ITGB4: variants seen among roughly 807,000 people sequenced by gnomAD.
The protein encoded by ITGB4 is integrin subunit beta 4.
ITGB4 carries 159 observed loss-of-function variants against 207.6 expected under a neutral mutation model. The observed-to-expected ratio is 0.77, with a 90% CI of 0.67 to 0.87. The LOEUF is 0.87. ITGB4 is among the 40% of genes least tolerant of loss of function. The pLI, the probability that ITGB4 is intolerant of heterozygous loss-of-function variation, is 0.00. For synonymous variants in ITGB4, 1,020 were observed against 1,062.7 expected, an observed-to-expected ratio of 0.96 and a Z score of 0.78; for missense variants, 2,278 against 2,546.8, an observed-to-expected ratio of 0.89 and a Z score of 2.27.
chr17:75,752,257 C>A lies in ITGB4; in HGVS notation c.3877C>A (p.Pro1293Thr). The A allele has an allele frequency of 3.1e-6, 5 of 1,613,586 alleles. No homozygotes were observed. Among genetic ancestry groups the A allele is most frequent in the Non-Finnish European group, 3.4e-6 (4 of 1,180,030 alleles). ...TATTGAGAACCTTCGGGAGTCCCAG[C>A]CCTACCGCTACACGGTGAAGGCGCG... is the stretch of plus-strand genomic sequence containing the variant. ...LLIENLRESQ[P>T]YRYTVKARNG... is the part of the protein sequence containing the mutation. The change falls in exon 31 of 40, where the codon CCC (proline) becomes ACC (threonine). Residue 1293 changes from proline (P) to threonine (T), a missense_variant. By Grantham distance (38) the Pro-to-Thr change is conservative. Transcript: ENST00000200181.
Position 75,750,598 on chromosome 17 carries a change from T to G in ITGB4, c.3475-82T>G, listed in dbSNP as rs2061345311. On this transcript the variant is annotated intron_variant, in intron 28 of 39. Transcript: ENST00000200181. This position sits in a 1 kb window ranked among gnomAD's most constrained non-coding sequence, Gnocchi z 5.5. ...GGCCTCATCTGTGCAAAGAGGACAG[T>G]AAGGGCAGAGGTCAGAGGAGGGACA... 7.9e-7 allele frequency: 1 copy of G among 1,271,172 alleles called. No individual in the cohort carries two copies. The highest frequency in any genetic ancestry group is 1.1e-6 in the Non-Finnish European group (1 of 886,840). 78.7% of individuals were successfully genotyped at this position (1,271,172 alleles called of 1,614,324 possible). A position where few individuals can be genotyped will look rare whatever the true frequency, so the allele number is the denominator to read the frequency against.
At chr17:75,752,036 A>T in intron 30 of ITGB4, 138 bp from the exon 31 acceptor site, 2 of 921,178 alleles carry the variant, frequency 2.2e-6, no homozygotes, top group Non-Finnish European at 3.6e-6. Context: ...GCGGCAATTC[A>T]GCAGTGGCTG....
rs1314431524 is a variant in ITGB4, at chr17:75,757,189, G to A, written c.5219-11G>A. 2.5e-6 allele frequency: 4 copies of A among 1,612,448 alleles called. No homozygotes were observed. In the South Asian group the frequency reaches 3.3e-5, roughly 13 times the overall value. Reference sequence around the variant, plus strand: ...GCACCACCCTCTGACTGGCCTATCTGCCCACCCCAGGACCCTTCCCGCAGC... The same window carrying A: ...GCACCACCCTCTGACTGGCCTATCTACCCACCCCAGGACCCTTCCCGCAGC... On this transcript the variant is annotated splice_polypyrimidine_tract_variant and intron_variant, in intron 38 of 39. Transcript: ENST00000200181.
chr17:75,730,879 T>C lies in ITGB4; in HGVS notation c.1007T>C (p.Leu336Pro). 2.5e-6 allele frequency: 4 copies of C among 1,612,840 alleles called. No individual in the cohort carries two copies. Among genetic ancestry groups the C allele is most frequent in the Non-Finnish European group, 3.4e-6 (4 of 1,179,474 alleles). The part of the protein sequence containing the change: ...TNYSYSYYEK[L>P]HTYFPVSSLG... Reference sequence around the variant, plus strand: ...ACCTGGCCTTCTCTCCCGCAGAAGCTTCACACCTATTTCCCTGTCTCCTCA... The same window carrying C: ...ACCTGGCCTTCTCTCCCGCAGAAGCCTCACACCTATTTCCCTGTCTCCTCA... The change falls in exon 9 of 40, where the codon CTT (leucine) becomes CCT (proline). Residue 336 changes from leucine (L) to proline (P), a missense_variant. Transcript: ENST00000200181.
In ITGB4 at chr17:75,750,608, G is replaced by A. The variant is rs950699179; in HGVS notation, c.3475-72G>A. On this transcript the variant is annotated intron_variant, in intron 28 of 39. Coordinates refer to ENST00000200181, the MANE Select transcript of ITGB4 (RefSeq NM_000213.5). This position sits in a 1 kb window ranked among gnomAD's most constrained non-coding sequence, Gnocchi z 5.5. ...GTGCAAAGAGGACAGTAAGGGCAGA[G>A]GTCAGAGGAGGGACAGGCAGCTTGG... 2.2e-6 allele frequency: 3 copies of A among 1,363,308 alleles called. No individual in the cohort carries two copies. Among genetic ancestry groups the A allele is most frequent in the Non-Finnish European group, 3.1e-6 (3 of 965,776 alleles). The allele number at this position is 1,363,308 out of a possible 1,614,324, so 84.5% of individuals were successfully genotyped here.
rs778864764 is a variant in ITGB4 at position 75,739,721 on chromosome 17, C to CGCAGGGGGA, written c.2254+23_2254+24insGAGCAGGGG. 1 of 1,614,060 alleles carries CGCAGGGGGA rather than the reference C, an allele frequency of 6.2e-7. No homozygotes were observed. Among genetic ancestry groups the CGCAGGGGGA allele is most frequent in the Non-Finnish European group, 8.5e-7 (1 of 1,179,994 alleles). The stretch of plus-strand genomic sequence containing the variant: ...TGCAACCGAGGTATGGGCCTGGCAT[C>CGCAGGGGGA]GCAGGGGCAGCAGGGGCTCTGACTG... On this transcript the variant is annotated intron_variant, in intron 19 of 39. Coordinates refer to ENST00000200181, the MANE Select transcript of ITGB4 (RefSeq NM_000213.5). The surrounding 1 kb of genome is among the most constrained non-coding windows in gnomAD (Gnocchi z 5.4).
At position 75,729,190 on chromosome 17, in the gene ITGB4, GA is replaced by G; in HGVS notation, c.567-72del. The G allele has an allele frequency of 3.0e-6, 4 of 1,313,212 alleles. No homozygotes were observed. Among genetic ancestry groups the G allele is most frequent in the Non-Finnish European group, 4.3e-6 (4 of 936,244 alleles). The allele number at this position is 1,313,212 out of a possible 1,614,324, so 81.3% of individuals were successfully genotyped here. A position where few individuals can be genotyped will look rare whatever the true frequency, so the allele number is the denominator to read the frequency against. On this transcript the variant is annotated intron_variant, in intron 6 of 39. Transcript: ENST00000200181. The surrounding 1 kb of genome is among the most constrained non-coding windows in gnomAD (Gnocchi z 4.4). Reference sequence around the variant, plus strand: ...AAAAAAAAAAATTCTCCTTCTAGTTGAAACGAGCCAGGGGCACTGGGGTCTG... The same window carrying G: ...AAAAAAAAAAATTCTCCTTCTAGTTGAACGAGCCAGGGGCACTGGGGTCTG...
intron 26 of ITGB4, among the ~76,000 whole-genome samples, chr17:75,746,546 T>G (rs2061237109): frequency 6.6e-6 from 1 of 151,846 alleles, no homozygotes. Flanking sequence ...ATATTTTTAG[T>G]AGAGATAGGG....
At position 75,736,521 on chromosome 17, in the gene ITGB4, C is replaced by T. The variant is rs572332869; in HGVS notation, c.1861-44C>T. The T allele has an allele frequency of 3.8e-6, 6 of 1,591,234 alleles. No homozygotes were observed. The African/African-American group carries it at 5.4e-5, about 14-fold the overall frequency. On this transcript the variant is annotated intron_variant, in intron 15 of 39. Coordinates refer to ENST00000200181, the MANE Select transcript of ITGB4 (RefSeq NM_000213.5). Reference sequence around the variant, plus strand: ...TTGGGGAGCGGGGGTCTGGCAGAGGCCCACCCAACACAGTGCCTGTCTGCC... The same window carrying T: ...TTGGGGAGCGGGGGTCTGGCAGAGGTCCACCCAACACAGTGCCTGTCTGCC...
At chr17:75,724,872 C>T in intron 2 of ITGB4, 90 bp downstream of exon 2, 2 of 1,101,984 alleles carry the variant, frequency 1.8e-6, no homozygotes, top group South Asian at 1.3e-5. Flanking sequence ...GGTGTCTCAC[C>T]TAAACACGCT....
Position 75,729,124 on chromosome 17 carries a change from A to G in ITGB4, c.567-141A>G. ...AGTGAGCCAAGATCGTGCATACCGC[A>G]CACCAGCCTGGGTGATAAAGCGAGA... On this transcript the variant is annotated intron_variant, in intron 6 of 39. Coordinates refer to ENST00000200181, the MANE Select transcript of ITGB4 (RefSeq NM_000213.5). The surrounding 1 kb of genome is among the most constrained non-coding windows in gnomAD (Gnocchi z 4.4). 1.3e-6 allele frequency: 1 copy of G among 742,490 alleles called. No homozygotes were observed. The highest frequency in any genetic ancestry group is 2.1e-6 in the Non-Finnish European group (1 of 468,894). 46.0% of individuals were successfully genotyped at this position (742,490 alleles called of 1,614,324 possible).
intron 27 of ITGB4, 104 bp downstream of exon 27, chr17:75,749,149 G>C (rs1349542400): frequency 1.1e-6 from 1 of 903,866 alleles, no homozygotes; most frequent in Non-Finnish European, 1.7e-6. Flanking sequence ...AGGACGCCCA[G>C]GTAAATCTGA....
Position 75,742,654 on chromosome 17 carries a change from C to T in ITGB4, c.2855C>T (p.Pro952Leu), listed in dbSNP as rs1240786352. 4.3e-6 allele frequency: 7 copies of T among 1,613,922 alleles called. No homozygotes were observed. Among genetic ancestry groups the T allele is most frequent in the African/African-American group, 2.7e-5 (2 of 74,926 alleles). ...VDVRVPLFIR[P>L]EDDDEKQLLV... ...GTACGGGTGCCCCTCTTTATCCGGC[C>T]TGAGGATGACGACGAGAAGCAGCTG... The change falls in exon 25 of 40, where the codon CCT becomes CTT. Residue 952 changes from proline to leucine, a missense_variant. Pro to Leu is a moderately conservative substitution (Grantham distance 98, BLOSUM62 -3). Transcript: ENST00000200181. The surrounding 1 kb of genome is among the most constrained non-coding windows in gnomAD (Gnocchi z 5.9).
chr17:75,746,859 G>A (rs1411869820), intron 26 of ITGB4, among the ~76,000 whole-genome samples: 1 of 150,480 alleles, frequency 6.6e-6, no homozygotes, highest in African/African-American at 2.4e-5. Flanking sequence ...AGCCCAGTAG[G>A]TGGAGGTTGC....
chr17:75,736,017 A>G, intron 13 of ITGB4, 34 bp from the exon 14 acceptor site: 1 of 1,593,200 alleles, frequency 6.3e-7, no homozygotes, highest in Non-Finnish European at 8.6e-7. Flanking sequence ...GCACAGATGT[A>G]GCTCTCATCT....
At chr17:75,749,797 G>C (rs1316080756) in intron 27 of ITGB4, among the ~76,000 whole-genome samples, 5 of 152,200 alleles carry the variant, frequency 3.3e-5, no homozygotes, top group African/African-American at 7.2e-5. Context: ...GAGATACTCA[G>C]GGTACAGTGT....
In ITGB4 at chr17:75,732,343, TG is replaced by T. The variant is rs2060881563; in HGVS notation, c.1454+109del. The T allele has an allele frequency of 5.3e-6, 6 of 1,131,168 alleles. No individual in the cohort carries two copies. The East Asian group carries it at 9.5e-5, about 18-fold the overall frequency. 70.1% of individuals were successfully genotyped at this position (1,131,168 alleles called of 1,614,324 possible). A position where few individuals can be genotyped will look rare whatever the true frequency, so the allele number is the denominator to read the frequency against. Reference sequence around the variant, plus strand: ...CCTGGGTGCACCTTGTACACCTGGCTGGGGGTGGGGCGGCAATCAAAGAAAC... The same window carrying T: ...CCTGGGTGCACCTTGTACACCTGGCTGGGGTGGGGCGGCAATCAAAGAAAC... On this transcript the variant is annotated intron_variant, in intron 12 of 39. Coordinates refer to ENST00000200181, the MANE Select transcript of ITGB4 (RefSeq NM_000213.5). The surrounding 1 kb of genome is among the most constrained non-coding windows in gnomAD (Gnocchi z 5.3).
In ITGB4 at chr17:75,750,069, G is replaced by A. The variant is rs147093412; in HGVS notation, c.3317-42G>A. 6.2e-7 allele frequency: 1 copy of A among 1,612,854 alleles called. No individual in the cohort carries two copies. On this transcript the variant is annotated intron_variant, in intron 27 of 39. Transcript: ENST00000200181. The surrounding 1 kb of genome is among the most constrained non-coding windows in gnomAD (Gnocchi z 5.5). Reference sequence around the variant, plus strand: ...GTCTCTGGCGCCCCCTGGTGGTGAAGGGGGATCTGAGTGGTTGCCCGGCCC... The same window carrying A: ...GTCTCTGGCGCCCCCTGGTGGTGAAAGGGGATCTGAGTGGTTGCCCGGCCC...
rs55981241 is a variant in ITGB4, at chr17:75,722,757, C to CTGTGTGTGTG, written c.-11+1171_-11+1180dup. 6.2e-3 allele frequency among the ~76,000 whole-genome samples: 838 copies of CTGTGTGTGTG among 135,142 alleles called. 8 individuals carry two copies. Among genetic ancestry groups the CTGTGTGTGTG allele is most frequent in the Middle Eastern group, 0.011 (3 of 264 alleles). 88.7% of individuals were successfully genotyped at this position (135,142 alleles called of 152,430 possible). A position where few individuals can be genotyped will look rare whatever the true frequency, so the allele number is the denominator to read the frequency against. On this transcript the variant is annotated intron_variant, in intron 1 of 39. Coordinates refer to ENST00000200181, the MANE Select transcript of ITGB4 (RefSeq NM_000213.5). This position sits in a 1 kb window ranked among gnomAD's most constrained non-coding sequence, Gnocchi z 6.2. ...GAGCCTGTGGGTGGGTGGGCATGGC[C>CTGTGTGTGTG]TGTGTGTGTGTGTGTGTGTGTGTGT...
Sources: gnomAD v4.1 joint callset for allele counts (sites outside exome capture counted in the v4.1 genomes callset) on GRCh38, gnomAD v4.1.1 for gene constraint, Gnocchi (gnomAD v3.1) non-coding constraint, MANE v1.5 for transcripts, NCBI Gene and HGNC (gene_info 2026-07-23, HGNC 2026-07-21) for gene names.